Variants in GCNT2 observed in about 807,000 individuals in gnomAD.
GCNT2 encodes the protein N-acetyllactosaminide beta-1,6-N-acetylglucosaminyl-transferase.
Under a neutral mutation model 34.2 loss-of-function variants are expected in GCNT2, and 34 were observed. That is an observed-to-expected ratio of 1.00 (90% confidence interval 0.76 to 1.32). The LOEUF (loss-of-function observed/expected upper bound fraction) is 1.32, where lower values mean the gene tolerates loss of function less well. Ranked by LOEUF, GCNT2 falls within the 40% of genes most tolerant of loss-of-function variation. The pLI is 0.00. For missense variants in GCNT2, 584 were observed against 489.4 expected (o/e 1.19, Z -1.82); for synonymous variants, 212 against 188.0 (o/e 1.13, Z -1.04).
Position 10,620,045 on chromosome 6 carries a change from C to T in GCNT2, c.926-1306C>T, listed in dbSNP as rs572892688. ...GCTCACCCAGATAATTCAGGATAAC[C>T]TCCCTATTTTAAGGTCAGCTGATCA... On this transcript the variant is annotated intron_variant, in intron 3 of 4. Transcript: ENST00000495262. Among the ~76,000 whole-genome samples the T allele has an allele frequency of 4.6e-5, 7 of 152,326 alleles. No homozygotes were observed. The South Asian group carries it at 1.4e-3, about 32-fold the overall frequency.
chr6:10,573,271 A>G, intron 3 of GCNT2: 1 of 985,232 alleles, frequency 1.0e-6, no homozygotes, highest in Non-Finnish European at 1.2e-6. Flanking sequence ...TGTTGTGCAG[A>G]AAGACAAATA....
chr6:10,556,827 A>C, intron 3 of GCNT2: 1 of 1,614,230 alleles, frequency 6.2e-7, no homozygotes, highest in Non-Finnish European at 8.5e-7. Context: ...ACTGAATTTA[A>C]AGATGCGGTA....
Position 10,534,140 on chromosome 6 carries a change from TC to T in GCNT2, c.925+4305del, listed in dbSNP as rs1425359273. ...TGGTATCTGCCAGATTCCATGCTGC[TC>T]TTTTTTTTTTTTTTTTTTAAGATGG... On this transcript the variant is annotated intron_variant, in intron 3 of 4. Transcript: ENST00000495262. 3.7e-4 allele frequency among the ~76,000 whole-genome samples: 38 copies of T among 103,970 alleles called. 6 individuals carry two copies. Among genetic ancestry groups the T allele is most frequent in the East Asian group, 5.2e-4 (2 of 3,814 alleles). 68.2% of individuals were successfully genotyped at this position (103,970 alleles called of 152,430 possible).
Position 10,599,402 on chromosome 6 carries a change from G to T in GCNT2, c.926-21949G>T, listed in dbSNP as rs192674102. Among the ~76,000 whole-genome samples the T allele has an allele frequency of 1.5e-3, 235 of 152,308 alleles. 1 individual carries two copies. The highest frequency in any genetic ancestry group is 5.1e-3 in the African/African-American group (213 of 41,572). On this transcript the variant is annotated intron_variant, in intron 3 of 4. Coordinates refer to ENST00000495262, the MANE Select transcript of GCNT2 (RefSeq NM_145649.5). ...TGTCTACCTCAGTAAAATATGTGGT[G>T]TTGTTTCCACCAGAATGAGGGAGCA...
intron 3 of GCNT2, among the ~76,000 whole-genome samples, chr6:10,570,626 C>A (rs1430109759): frequency 2.6e-5 from 4 of 152,346 alleles, no homozygotes; most frequent in Admixed American, 6.5e-5. Context: ...CATAACTCTT[C>A]CTTCACTGAA....
chr6:10,553,603 C>A (rs1025791004), intron 3 of GCNT2, among the ~76,000 whole-genome samples: 1 of 152,198 alleles, frequency 6.6e-6, no homozygotes, highest in South Asian at 2.1e-4. Flanking sequence ...GGAAAAAAAT[C>A]ATTAAATAGG....
At chr6:10,591,807 C>T (rs1471477350) in intron 3 of GCNT2, among the ~76,000 whole-genome samples, 1 of 152,130 alleles carries the variant, frequency 6.6e-6, no homozygotes, top group Non-Finnish European at 1.5e-5. Flanking sequence ...TAAGAAGAGA[C>T]AACAATAGAA....
At chr6:10,592,938 T>G (rs919539344) in intron 3 of GCNT2, among the ~76,000 whole-genome samples, 2 of 152,020 alleles carry the variant, frequency 1.3e-5, no homozygotes, top group South Asian at 4.2e-4. Context: ...AGATGGGGTT[T>G]CACCATGTTG....
At chr6:10,617,691 C>A (rs1234079266) in intron 3 of GCNT2, among the ~76,000 whole-genome samples, 1 of 151,980 alleles carries the variant, frequency 6.6e-6, no homozygotes, top group Non-Finnish European at 1.5e-5. Context: ...ACCTCAGCCT[C>A]CCAAAGTGCT....
At chr6:10,583,565 G>A (rs139825697) in intron 3 of GCNT2, among the ~76,000 whole-genome samples, 37 of 152,306 alleles carry the variant, frequency 2.4e-4, no homozygotes, top group African/African-American at 8.4e-4. Context: ...GCAAGCAGGT[G>A]AACTCTGAGA....
At chr6:10,588,891 G>GTGTGTGT (rs1288126771) in intron 3 of GCNT2, among the ~76,000 whole-genome samples, 4 of 25,690 alleles carry the variant, frequency 1.6e-4, no homozygotes, top group African/African-American at 4.0e-4. Context: ...TGTTTGTAGC[G>GTGTGTGT]TGTGTGTTGT....
chr6:10,594,299 G>A (rs1459526740), intron 3 of GCNT2, among the ~76,000 whole-genome samples: 6 of 152,118 alleles, frequency 3.9e-5, no homozygotes, highest in East Asian at 1.9e-4. Flanking sequence ...AGCAAATGCC[G>A]ATTCTGTTCA....
intron 3 of GCNT2, among the ~76,000 whole-genome samples, chr6:10,536,617 G>C (rs987223949): frequency 9.2e-5 from 14 of 151,734 alleles, no homozygotes; most frequent in African/African-American, 2.2e-4. Flanking sequence ...GCCTCCAAAA[G>C]TGTTGGGATT....
At chr6:10,555,409 T>C (rs891140706) in intron 3 of GCNT2, among the ~76,000 whole-genome samples, 2 of 152,100 alleles carry the variant, frequency 1.3e-5, no homozygotes, top group African/African-American at 4.8e-5. Flanking sequence ...GTCCATAAGC[T>C]TAACTGGGCA....
chr6:10,620,614 C>T lies in GCNT2; in HGVS notation c.926-737C>T, dbSNP rs149522869. ...TAGAGACAGGGTTTCATTAGGTTGC[C>T]CAGGGATCTTCTTACCTCGGCCTCC... On this transcript the variant is annotated intron_variant, in intron 3 of 4. Coordinates refer to ENST00000495262, the MANE Select transcript of GCNT2 (RefSeq NM_145649.5). 5.3e-5 allele frequency among the ~76,000 whole-genome samples: 8 copies of T among 152,004 alleles called. No individual in the cohort carries two copies. The East Asian group carries it at 1.5e-3, about 29-fold the overall frequency.
intron 3 of GCNT2, among the ~76,000 whole-genome samples, chr6:10,620,583 T>C (rs7753780): frequency 0.095 from 14,477 of 151,984 alleles, 1,107 homozygotes; most frequent in African/African-American, 0.21. Flanking sequence ...AATTTTTTAT[T>C]TTTTGTAGAG....
rs1480258044 is a variant in GCNT2, at chr6:10,529,557, A to AC, written c.651dup (p.Gly218ArgfsTer6). ...GAAGGGATTTAAAGGGAAAAATATC[A>AC]CCCCCGGAGTGCTGCCTCCTGACCA... On this transcript the variant is annotated frameshift_variant, in exon 3 of 5. Coordinates refer to ENST00000495262, the MANE Select transcript of GCNT2 (RefSeq NM_145649.5). LOFTEE classifies it high-confidence loss of function. The AC allele has an allele frequency of 2.5e-6, 4 of 1,614,076 alleles. No homozygotes were observed. In the South Asian group the frequency reaches 3.3e-5, roughly 13 times the overall value.
intron 3 of GCNT2, among the ~76,000 whole-genome samples, chr6:10,616,336 T>C (rs562637546): frequency 6.6e-6 from 1 of 151,374 alleles, no homozygotes; most frequent in African/African-American, 2.4e-5. Context: ...AGTACAAAGA[T>C]TTATTGCAAA....
chr6:10,545,575 A>T (rs994919634), intron 3 of GCNT2, among the ~76,000 whole-genome samples: 2 of 152,202 alleles, frequency 1.3e-5, no homozygotes, highest in Non-Finnish European at 2.9e-5. Context: ...GATCGTTGCA[A>T]TCCTAACCTC....
Sources: gnomAD v4.1 joint callset for allele counts (sites outside exome capture counted in the v4.1 genomes callset) on GRCh38, gnomAD v4.1.1 for gene constraint, MANE v1.5 for transcripts, NCBI Gene and HGNC (gene_info 2026-07-23, HGNC 2026-07-21) for gene names.